The following REDIC1 variants were observed in gnomAD, a reference collection of about 807,000 sequenced individuals.
REDIC1 encodes the protein HEI10 Interacting Protein 1.
chr12:39,798,969 C>T, the REDIC1 span, among the ~76,000 whole-genome samples: 7 of 151,016 alleles, frequency 4.6e-5, no homozygotes, highest in Middle Eastern at 0.01. Context: ...ATTAGAGTAA[C>T]AAAACAAAGG....
chr12:39,666,453 CT>C, the REDIC1 span, among the ~76,000 whole-genome samples: 1 of 152,176 alleles, frequency 6.6e-6, no homozygotes. Flanking sequence ...TGATATGCTG[CT>C]GGATTCAGTT....
the REDIC1 span, among the ~76,000 whole-genome samples, chr12:39,887,197 CTAGTT>C: frequency 1.1e-4 from 17 of 152,224 alleles, no homozygotes; most frequent in South Asian, 4.1e-4. Context: ...AGTCTTTTGT[CTAGTT>C]TAGCACTTTT....
the REDIC1 span, among the ~76,000 whole-genome samples, chr12:39,726,318 CCA>C: frequency 6.6e-6 from 1 of 152,046 alleles, no homozygotes; most frequent in Non-Finnish European, 1.5e-5. Context: ...CCCTAGCCCC[CCA>C]CACCCCAACA....
At chr12:39,884,372 C>T in the REDIC1 span, among the ~76,000 whole-genome samples, 2 of 152,158 alleles carry the variant, frequency 1.3e-5, no homozygotes, top group African/African-American at 2.4e-5. Context: ...TTTTTTCCTT[C>T]GCCAAACTTC....
chr12:39,832,010 T>G, the REDIC1 span, among the ~76,000 whole-genome samples: 8 of 152,284 alleles, frequency 5.3e-5, no homozygotes, highest in Middle Eastern at 6.8e-3. Context: ...TTGTTATCAT[T>G]TCAGCCTTCT....
chr12:39,695,111 G>T, the REDIC1 span, among the ~76,000 whole-genome samples: 1 of 152,198 alleles, frequency 6.6e-6, no homozygotes, highest in Non-Finnish European at 1.5e-5. Flanking sequence ...CCCAGGGACT[G>T]CATTGAGGGC....
the REDIC1 span, among the ~76,000 whole-genome samples, chr12:39,815,429 G>A: frequency 1.3e-5 from 2 of 152,270 alleles, no homozygotes; most frequent in South Asian, 2.1e-4. Flanking sequence ...CAGGTTCTTT[G>A]TCAAAACAGC....
chr12:39,679,750 G>A, the REDIC1 span, among the ~76,000 whole-genome samples: 3 of 152,084 alleles, frequency 2.0e-5, no homozygotes, highest in African/African-American at 7.2e-5. Context: ...TATACTACAG[G>A]GCTATGGTTA....
chr12:39,653,346 G>A, the REDIC1 span, among the ~76,000 whole-genome samples: 28,519 of 151,504 alleles, frequency 0.19, 3,032 homozygotes, highest in African/African-American at 0.28. Context: ...ATAGAAATAC[G>A]ATTAATTTTT....
chr12:39,719,452 C>G, the REDIC1 span, among the ~76,000 whole-genome samples: 1 of 151,772 alleles, frequency 6.6e-6, no homozygotes, highest in South Asian at 2.1e-4. Flanking sequence ...ATGGCAAAAA[C>G]AAATACAAAA....
the REDIC1 span, among the ~76,000 whole-genome samples, chr12:39,769,545 GGGTGTAGGCTTCCTTCCTCCCTCC>G: frequency 2.2e-4 from 1 of 4,472 alleles, no homozygotes; most frequent in African/African-American, 1.9e-3. Context: ...AAACATTGTA[GGGTGTAGGCTTCCTTCCTCCCTCC>G]GGTGGTACAA....
chr12:39,683,858 C>G, the REDIC1 span, among the ~76,000 whole-genome samples: 1 of 152,046 alleles, frequency 6.6e-6, no homozygotes. Flanking sequence ...TTCTTACTTT[C>G]AAACAGCTCT....
the REDIC1 span, chr12:39,829,386 GTAAT>G: frequency 1.1e-5 from 1 of 94,576 alleles, no homozygotes; most frequent in Admixed American, 1.2e-4. Flanking sequence ...TAATGTGATA[GTAAT>G]TCTTTTTTTT....
At chr12:39,629,504 A>G in the REDIC1 span, among the ~76,000 whole-genome samples, 1 of 152,206 alleles carries the variant, frequency 6.6e-6, no homozygotes, top group Non-Finnish European at 1.5e-5. Flanking sequence ...ATAGTTGCAA[A>G]GATCTTTACA....
At chr12:39,717,978 T>G in the REDIC1 span, among the ~76,000 whole-genome samples, 1 of 152,064 alleles carries the variant, frequency 6.6e-6, no homozygotes, top group East Asian at 1.9e-4. Flanking sequence ...CACCTTTTTT[T>G]TTTGCCATAT....
the REDIC1 span, among the ~76,000 whole-genome samples, chr12:39,729,612 G>A: frequency 2.0e-5 from 3 of 152,294 alleles, no homozygotes; most frequent in South Asian, 2.1e-4. Context: ...GTGTGATGTG[G>A]TGCTGAGAAG....
At chr12:39,707,827 G>A in the REDIC1 span, among the ~76,000 whole-genome samples, 3 of 151,558 alleles carry the variant, frequency 2.0e-5, no homozygotes, top group Non-Finnish European at 3.0e-5. Context: ...CCAGAAAATA[G>A]CATAAAAAAA....
the REDIC1 span, among the ~76,000 whole-genome samples, chr12:39,784,253 G>T: frequency 6.6e-6 from 1 of 152,172 alleles, no homozygotes; most frequent in Non-Finnish European, 1.5e-5. Context: ...CCAAAAAAGA[G>T]CCCGCATTGC....
chr12:39,782,900 T>G, the REDIC1 span, among the ~76,000 whole-genome samples: 1 of 152,170 alleles, frequency 6.6e-6, no homozygotes, highest in Non-Finnish European at 1.5e-5. Context: ...CTTTAAGTTC[T>G]AGGGTACATG....
Sources: allele counts gnomAD v4.1 joint callset (sites outside exome capture counted in the v4.1 genomes callset), GRCh38; gene constraint gnomAD v4.1.1; transcripts MANE v1.5; gene names NCBI Gene and HGNC (gene_info 2026-07-23, HGNC 2026-07-21).